Variants in ZBBX observed in about 807,000 individuals in gnomAD.
ZBBX encodes zinc finger B-box domain containing.
A neutral mutation model predicts 108.5 loss-of-function variants in ZBBX; 101 were observed. That is an observed-to-expected ratio of 0.93 (90% CI 0.79 to 1.10). ZBBX has a LOEUF of 1.10. Ranked by LOEUF, ZBBX falls within the 50% of genes least tolerant of loss-of-function variation. The pLI, the probability that ZBBX is intolerant of heterozygous loss-of-function variation, is 0.00. For synonymous variants in ZBBX, 356 were observed against 323.4 expected (o/e 1.10, Z -1.08); for missense variants, 1,009 against 941.4 (o/e 1.07, Z -0.94).
At chr3:167,252,087 T>G (rs944369183) in intron 20 of ZBBX, 1 of 1,227,446 alleles carries the variant, frequency 8.1e-7, no homozygotes, top group Non-Finnish European at 1.1e-6. Context: ...CAGTCTGATA[T>G]CAGCCACAGC....
chr3:167,191,934 T>TATATATATATATATATAGAGAGAGAG, the ZBBX span, among the ~76,000 whole-genome samples: 1 of 130,224 alleles, frequency 7.7e-6, no homozygotes, highest in African/African-American at 3.0e-5. Context: ...TATATATATA[T>TATATATATATATATATAGAGAGAGAG]AGAGCAAGTT....
intron 11 of ZBBX, among the ~76,000 whole-genome samples, chr3:167,326,031 A>T (rs1333752874): frequency 6.6e-5 from 10 of 152,198 alleles, no homozygotes; most frequent in Non-Finnish European, 1.3e-4. Flanking sequence ...GTCACCACTG[A>T]GGCAACATTT....
At chr3:167,226,944 T>A in the ZBBX span, among the ~76,000 whole-genome samples, 1 of 151,766 alleles carries the variant, frequency 6.6e-6, no homozygotes, top group Non-Finnish European at 1.5e-5. Context: ...TATCTTTGTG[T>A]GATGCCAGTG....
chr3:167,406,610 G>A (rs993599151), intron 1 of ZBBX, among the ~76,000 whole-genome samples: 8 of 152,120 alleles, frequency 5.3e-5, no homozygotes, highest in Admixed American at 3.9e-4. Context: ...TAAATAAATA[G>A]ATAAAAGTTA....
intron 1 of ZBBX, among the ~76,000 whole-genome samples, chr3:167,387,144 A>G (rs1417567780): frequency 6.6e-6 from 1 of 152,034 alleles, no homozygotes; most frequent in East Asian, 1.9e-4. Flanking sequence ...CAATGCACCT[A>G]ACATGGCTAG....
At chr3:167,300,712 C>A (rs910637434) in intron 17 of ZBBX, among the ~76,000 whole-genome samples, 1 of 150,928 alleles carries the variant, frequency 6.6e-6, no homozygotes, top group African/African-American at 2.4e-5. Context: ...CGGGTTCAAT[C>A]GATTCTCCTG....
At chr3:167,356,294 A>G (rs1665688411) in intron 8 of ZBBX, among the ~76,000 whole-genome samples, 1 of 152,202 alleles carries the variant, frequency 6.6e-6, no homozygotes. Context: ...ATCATATCAA[A>G]TAAGAAAATA....
intron 1 of ZBBX, among the ~76,000 whole-genome samples, chr3:167,407,668 T>A (rs1748628455): frequency 6.6e-6 from 1 of 151,958 alleles, no homozygotes; most frequent in Admixed American, 6.6e-5. Context: ...AGAAAAAATA[T>A]GTTTATTATT....
chr3:167,230,885 A>T, the ZBBX span, among the ~76,000 whole-genome samples: 2 of 151,842 alleles, frequency 1.3e-5, no homozygotes, highest in African/African-American at 2.4e-5. Flanking sequence ...ATTTTGGATT[A>T]GTGTGAGAAG....
At chr3:167,347,686 A>G (rs1213615938) in intron 9 of ZBBX, among the ~76,000 whole-genome samples, 1 of 152,050 alleles carries the variant, frequency 6.6e-6, no homozygotes, top group Non-Finnish European at 1.5e-5. Context: ...GAATAACATC[A>G]TTATAGGTTT....
intron 9 of ZBBX, among the ~76,000 whole-genome samples, chr3:167,342,765 T>A (rs1740757069): frequency 6.6e-6 from 1 of 150,848 alleles, no homozygotes. Flanking sequence ...ATTATCATAA[T>A]ATCTTTCTGG....
chr3:167,366,968 C>G (rs773964225), intron 5 of ZBBX: 2 of 454,886 alleles, frequency 4.4e-6, no homozygotes, highest in South Asian at 3.1e-5. Context: ...AACCAATGCT[C>G]TATTAGAGGG....
At chr3:167,205,447 T>C in the ZBBX span, among the ~76,000 whole-genome samples, 1 of 152,178 alleles carries the variant, frequency 6.6e-6, no homozygotes, top group African/African-American at 2.4e-5. Flanking sequence ...CATATAAAGA[T>C]CTTAAGTGGT....
chr3:167,314,024 A>C lies in ZBBX; in HGVS notation c.1367T>G (p.Leu456Ter). Reference sequence around the variant, plus strand: ...AGAGCTGTTTCTCAGACAAAGATTTAAGAAGTCTCTCTTTCCCTTATCGAA... The same window carrying C: ...AGAGCTGTTTCTCAGACAAAGATTTCAGAAGTCTCTCTTTCCCTTATCGAA... ...HVFDKGKRDF[L>*]NLCLRNSSTY... The change falls in exon 16 of 22, where the codon TTA becomes TGA. Residue 456 changes from leucine (L) to a stop codon, truncating the protein, a stop_gained. Transcript: ENST00000675490. LOFTEE classifies it high-confidence loss of function. 2.5e-6 allele frequency: 4 copies of C among 1,606,624 alleles called. No homozygotes were observed. The highest frequency in any genetic ancestry group is 3.4e-6 in the Non-Finnish European group (4 of 1,176,514).
intron 20 of ZBBX, among the ~76,000 whole-genome samples, chr3:167,251,881 C>T (rs992085480): frequency 6.6e-6 from 1 of 150,918 alleles, no homozygotes; most frequent in African/African-American, 2.5e-5. Context: ...AACCAATCTG[C>T]TTTCTGTCTC....
chr3:167,331,070 C>T (rs1473306395), intron 10 of ZBBX, among the ~76,000 whole-genome samples: 1 of 150,894 alleles, frequency 6.6e-6, no homozygotes, highest in African/African-American at 2.4e-5. Flanking sequence ...TCACCAGGAA[C>T]CAATACTGCC....
the ZBBX span, among the ~76,000 whole-genome samples, chr3:167,201,177 A>G: frequency 6.6e-6 from 1 of 152,136 alleles, no homozygotes; most frequent in Non-Finnish European, 1.5e-5. Flanking sequence ...TAAAATATAG[A>G]TCCAAATGTA....
intron 1 of ZBBX, among the ~76,000 whole-genome samples, chr3:167,395,916 C>G (rs946302800): frequency 4.6e-5 from 7 of 151,972 alleles, no homozygotes; most frequent in African/African-American, 1.7e-4. Context: ...GGAACCTTCT[C>G]CCTCTAGCTT....
chr3:167,323,236 AG>A (rs1185327157), intron 11 of ZBBX, among the ~76,000 whole-genome samples: 16 of 23,108 alleles, frequency 6.9e-4, no homozygotes, highest in East Asian at 0.023. Flanking sequence ...GAGAGCTAAA[AG>A]AGGGGGGGGG....
Sources: gnomAD v4.1 joint callset for allele counts (sites outside exome capture counted in the v4.1 genomes callset) on GRCh38, gnomAD v4.1.1 for gene constraint, MANE v1.5 for transcripts, NCBI Gene and HGNC (gene_info 2026-07-23, HGNC 2026-07-21) for gene names.